Variants in USP25 observed in about 807,000 individuals in gnomAD.
USP25 encodes the protein ubiquitin carboxyl-terminal hydrolase 25.
Under a neutral mutation model 158.5 loss-of-function variants are expected in USP25, and 85 were observed. The observed-to-expected ratio is 0.54, with a 90% CI of 0.45 to 0.64. The LOEUF (loss-of-function observed/expected upper bound fraction) is 0.64, where lower values mean the gene tolerates loss of function less well. Ranked by LOEUF, USP25 falls within the 30% of genes least tolerant of loss-of-function variation. The pLI is 0.00. For missense variants in USP25, 1,242 were observed against 1,327.3 expected (o/e 0.94, Z 1.00); for synonymous variants, 464 against 460.4 (o/e 1.01, Z -0.10).
chr21:15,864,875 G>T (rs563336961), intron 21 of USP25, among the ~76,000 whole-genome samples: 1 of 152,138 alleles, frequency 6.6e-6, no homozygotes, highest in African/African-American at 2.4e-5. Context: ...AATATCTCCA[G>T]GTATTGCCAA....
chr21:15,772,778 T>C (rs2034430916), intron 3 of USP25, among the ~76,000 whole-genome samples: 1 of 152,200 alleles, frequency 6.6e-6, no homozygotes, highest in Non-Finnish European at 1.5e-5. Flanking sequence ...TAACATTTTA[T>C]TTTCTTTTAC....
intron 20 of USP25, among the ~76,000 whole-genome samples, chr21:15,857,744 CTT>C (rs963484175): frequency 1.8e-4 from 28 of 151,898 alleles, no homozygotes; most frequent in Non-Finnish European, 3.5e-4. Context: ...TACAGCAACT[CTT>C]TTTATAGATT....
intron 20 of USP25, among the ~76,000 whole-genome samples, chr21:15,850,313 GATTT>G (rs777715845): frequency 7.7e-4 from 117 of 151,738 alleles, no homozygotes; most frequent in East Asian, 1.7e-3. Context: ...TTTATAAAAT[GATTT>G]ATTTATTATA....
chr21:15,821,711 C>T (rs1312371171), intron 10 of USP25, among the ~76,000 whole-genome samples: 1 of 151,908 alleles, frequency 6.6e-6, no homozygotes, highest in Admixed American at 6.6e-5. Flanking sequence ...GCTTCTTGTG[C>T]ATAGTTTACA....
At chr21:15,733,111 A>G (rs1324290287) in intron 1 of USP25, among the ~76,000 whole-genome samples, 1 of 138,276 alleles carries the variant, frequency 7.2e-6, no homozygotes, top group Non-Finnish European at 1.5e-5. Context: ...TTCAAGTTCC[A>G]AATGAGGATA....
chr21:15,803,966 G>A (rs963255141), intron 6 of USP25, among the ~76,000 whole-genome samples: 1 of 151,878 alleles, frequency 6.6e-6, no homozygotes. Context: ...TGTTGAGAAT[G>A]CCAACTGTGT....
At chr21:15,855,645 T>G (rs1023580045) in intron 20 of USP25, among the ~76,000 whole-genome samples, 2 of 152,212 alleles carry the variant, frequency 1.3e-5, no homozygotes, top group Admixed American at 6.5e-5. Flanking sequence ...ATTTGTAGCC[T>G]GAGTTTTAAG....
At chr21:15,741,571 A>G (rs562226651) in intron 1 of USP25, among the ~76,000 whole-genome samples, 12 of 152,270 alleles carry the variant, frequency 7.9e-5, no homozygotes, top group African/African-American at 2.9e-4. Flanking sequence ...TAGTAATTGT[A>G]TATTTCCCTA....
chr21:15,789,999 C>T (rs2035504267), intron 4 of USP25, among the ~76,000 whole-genome samples: 1 of 151,970 alleles, frequency 6.6e-6, no homozygotes, highest in Non-Finnish European at 1.5e-5. Context: ...CAAAATTTAA[C>T]TGTTAGAAGG....
intron 8 of USP25, among the ~76,000 whole-genome samples, chr21:15,809,898 C>T (rs1380485589): frequency 1.3e-5 from 2 of 151,912 alleles, no homozygotes; most frequent in Non-Finnish European, 2.9e-5. Flanking sequence ...AAGCCAGTCA[C>T]AAAAGGACAG....
At chr21:15,858,893 AGATTTCTCC>A (rs1435001436) in intron 20 of USP25, among the ~76,000 whole-genome samples, 1 of 151,870 alleles carries the variant, frequency 6.6e-6, no homozygotes, top group African/African-American at 2.4e-5. Flanking sequence ...GATGCTGAAT[AGATTTCTCC>A]TTCTTAATAC....
At chr21:15,751,813 A>G (rs1016123601) in intron 1 of USP25, among the ~76,000 whole-genome samples, 6 of 152,220 alleles carry the variant, frequency 3.9e-5, no homozygotes, top group African/African-American at 1.4e-4. Flanking sequence ...CTCTGTGTGA[A>G]CTTAGCTTAT....
intron 9 of USP25, among the ~76,000 whole-genome samples, chr21:15,813,351 A>T (rs368894557): frequency 9.9e-5 from 15 of 152,194 alleles, no homozygotes; most frequent in East Asian, 7.7e-4. Context: ...ACTTAATCAC[A>T]GGTTTTGCCC....
intron 9 of USP25, among the ~76,000 whole-genome samples, 186 bp downstream of exon 9, chr21:15,811,396 C>T (rs995553280): frequency 1.3e-5 from 2 of 152,110 alleles, no homozygotes; most frequent in African/African-American, 4.8e-5. Context: ...AAGGAATGTA[C>T]AGAGTGCATT....
At chr21:15,794,093 TTAG>T (rs1049358736) in intron 5 of USP25, among the ~76,000 whole-genome samples, 6 of 151,694 alleles carry the variant, frequency 4.0e-5, no homozygotes, top group African/African-American at 1.2e-4. Flanking sequence ...TGGAATTTAC[TTAG>T]TAGGACTAAT....
At chr21:15,735,563 G>A (rs568807789) in intron 1 of USP25, among the ~76,000 whole-genome samples, 9 of 152,302 alleles carry the variant, frequency 5.9e-5, no homozygotes, top group Non-Finnish European at 1.0e-4. Context: ...ATTCTTTAAT[G>A]AGATTGCTTA....
Position 15,826,576 on chromosome 21 carries a change from AT to A in USP25, c.1466+219del, listed in dbSNP as rs201668420. Among the ~76,000 whole-genome samples, 270 of 150,338 alleles carry A rather than the reference AT, an allele frequency of 1.8e-3. 1 individual carries two copies. The highest frequency in any genetic ancestry group is 6.6e-3 in the African/African-American group (266 of 40,028). On this transcript the variant is annotated intron_variant, in intron 13 of 25. Coordinates refer to ENST00000400183, the MANE Select transcript of USP25 (RefSeq NM_001283041.3). The surrounding 1 kb of genome is among the most constrained non-coding windows in gnomAD (Gnocchi z 4.8). Reference sequence around the variant, plus strand: ...GGTTATGGATTAAAATTTTAATCACATTTTTTTTCAGTTCAGAATTATACTT... The same window carrying A: ...GGTTATGGATTAAAATTTTAATCACATTTTTTTCAGTTCAGAATTATACTT...
intron 10 of USP25, among the ~76,000 whole-genome samples, chr21:15,821,865 C>T (rs2037253247): frequency 6.6e-6 from 1 of 151,804 alleles, no homozygotes; most frequent in Non-Finnish European, 1.5e-5. Flanking sequence ...TATTAAAACT[C>T]ATAAAAATGA....
chr21:15,873,695 G>A lies in USP25; in HGVS notation c.2886-708G>A, dbSNP rs557071044. 1.8e-3 allele frequency among the ~76,000 whole-genome samples: 267 copies of A among 152,066 alleles called. 1 individual carries two copies. The highest frequency in any genetic ancestry group is 6.0e-3 in the African/African-American group (250 of 41,514). On this transcript the variant is annotated intron_variant, in intron 23 of 25. Transcript: ENST00000400183. ...TTTAGTAGAGGCGGGGTTTCTCCAT[G>A]TTGGTCAGGCTGGTCTCGAACTCCC...
Sources: allele counts gnomAD v4.1 joint callset (sites outside exome capture counted in the v4.1 genomes callset), GRCh38; gene constraint gnomAD v4.1.1; non-coding constraint Gnocchi (gnomAD v3.1); transcripts MANE v1.5; gene names NCBI Gene and HGNC (gene_info 2026-07-23, HGNC 2026-07-21).